Variants in ANK2 observed in about 807,000 individuals in gnomAD.
ANK2 encodes the protein ankyrin-2.
A neutral mutation model predicts 360.5 loss-of-function variants in ANK2; 83 were observed. The ratio of observed to expected loss-of-function variants is 0.23; its 90% CI spans 0.19 to 0.28. The LOEUF (loss-of-function observed/expected upper bound fraction) is 0.28, where lower values mean the gene tolerates loss of function less well. ANK2 is among the 10% of genes least tolerant of loss of function. The probability of loss-of-function intolerance (pLI) is 1.00; values close to 1 mark genes in which losing one functional copy is unlikely to be tolerated. For synonymous variants in ANK2, 1,740 were observed against 1,759.5 expected (o/e 0.99, Z 0.28); for missense variants, 4,201 against 4,795.7 (o/e 0.88, Z 3.66).
At chr4:112,821,716 T>C (rs1399552498) in intron 1 of ANK2, among the ~76,000 whole-genome samples, 2 of 151,666 alleles carry the variant, frequency 1.3e-5, no homozygotes, top group South Asian at 2.1e-4. Flanking sequence ...GCAAATCACA[T>C]ACCACGAGAA....
At chr4:112,727,752 G>A in the ANK2 span, among the ~76,000 whole-genome samples, 11 of 152,166 alleles carry the variant, frequency 7.2e-5, no homozygotes, top group African/African-American at 2.4e-4. Flanking sequence ...GCTGAGGTGG[G>A]CAGATCACCT....
the ANK2 span, among the ~76,000 whole-genome samples, chr4:112,752,962 GCCTCCCACTCTTCTAAGCAACA>G: frequency 6.6e-6 from 1 of 152,060 alleles, no homozygotes; most frequent in Admixed American, 6.6e-5. Flanking sequence ...CTTTGCGCTG[GCCTCCCACTCTTCTAAGCAACA>G]CCTCCTGGCT....
At chr4:113,159,275 A>T (rs1284605036) in intron 1 of ANK2, among the ~76,000 whole-genome samples, 2 of 152,064 alleles carry the variant, frequency 1.3e-5, no homozygotes, top group Admixed American at 1.3e-4. Context: ...AAAAATGTAT[A>T]TGTAAAATGA....
intron 2 of ANK2, among the ~76,000 whole-genome samples, chr4:112,912,237 A>C (rs913098573): frequency 6.6e-6 from 1 of 152,126 alleles, no homozygotes; most frequent in African/African-American, 2.4e-5. Flanking sequence ...GTTCAAAACA[A>C]ATTTTCCACT....
chr4:113,104,242 T>G (rs2093337339), intron 1 of ANK2, among the ~76,000 whole-genome samples: 1 of 152,126 alleles, frequency 6.6e-6, no homozygotes, highest in Non-Finnish European at 1.5e-5. Context: ...CTTTACTTTT[T>G]AGATTTTGAT....
chr4:112,762,041 T>C, the ANK2 span, among the ~76,000 whole-genome samples: 1 of 152,206 alleles, frequency 6.6e-6, no homozygotes, highest in Non-Finnish European at 1.5e-5. Flanking sequence ...CTGAGTTGAG[T>C]CTTGAATTTG....
intron 1 of ANK2, among the ~76,000 whole-genome samples, chr4:112,864,444 G>A (rs1035599562): frequency 6.6e-6 from 1 of 151,944 alleles, no homozygotes; most frequent in South Asian, 2.1e-4. Context: ...CGAGTAGCTG[G>A]GATTACAGGC....
intron 2 of ANK2, among the ~76,000 whole-genome samples, chr4:112,924,197 G>A (rs1469808806): frequency 2.6e-5 from 4 of 151,876 alleles, no homozygotes; most frequent in African/African-American, 9.7e-5. Context: ...GTGAAACCCT[G>A]TCTCTACTAA....
chr4:113,326,203 C>A (rs1052237255), intron 26 of ANK2, among the ~76,000 whole-genome samples: 7 of 152,118 alleles, frequency 4.6e-5, no homozygotes, highest in Admixed American at 1.3e-4. Flanking sequence ...AACTCTACTA[C>A]CTGTCCAAAT....
chr4:112,897,078 C>A (rs912680899), intron 1 of ANK2, among the ~76,000 whole-genome samples: 1 of 152,202 alleles, frequency 6.6e-6, no homozygotes, highest in Non-Finnish European at 1.5e-5. Flanking sequence ...ATTTCTCTTA[C>A]AGCCGAGGTT....
In ANK2 at chr4:113,333,298, A is replaced by ATGTG. The variant is rs60929199; in HGVS notation, c.3379+120_3379+123dup. 0.011 allele frequency: 12,363 copies of ATGTG among 1,162,612 alleles called. 269 individuals are homozygous for ATGTG. The highest frequency in any genetic ancestry group is 0.098 in the African/African-American group (5,952 of 60,822). The allele number at this position is 1,162,612 out of a possible 1,614,324, so 72.0% of individuals were successfully genotyped here. On this transcript the variant is annotated intron_variant, in intron 29 of 45. Transcript: ENST00000357077. ...TCTTATGACCTAGGGGTGTGTGTATATGTGTGTGTGTGTGTGTGTGTGTGT... is the reference window on the plus strand; with the variant it reads ...TCTTATGACCTAGGGGTGTGTGTATATGTGTGTGTGTGTGTGTGTGTGTGTGTGT...
chr4:112,713,080 C>T, the ANK2 span, among the ~76,000 whole-genome samples: 1 of 152,086 alleles, frequency 6.6e-6, no homozygotes, highest in Non-Finnish European at 1.5e-5. Context: ...TTTGCCTTTC[C>T]AAGAATGTCA....
At chr4:113,069,208 G>A (rs2076680236) in intron 1 of ANK2, among the ~76,000 whole-genome samples, 1 of 152,150 alleles carries the variant, frequency 6.6e-6, no homozygotes, top group Admixed American at 6.5e-5. Context: ...TAATCAGTGA[G>A]GAGAGGAGAA....
intron 1 of ANK2, among the ~76,000 whole-genome samples, chr4:113,146,579 T>A (rs1045216284): frequency 1.3e-5 from 2 of 152,240 alleles, no homozygotes; most frequent in African/African-American, 2.4e-5. Context: ...TTTATTTTTT[T>A]AAATCTTTAT....
intron 1 of ANK2, among the ~76,000 whole-genome samples, chr4:113,118,393 C>T (rs2095046759): frequency 6.6e-6 from 1 of 152,174 alleles, no homozygotes; most frequent in African/African-American, 2.4e-5. Context: ...AATCCATATG[C>T]TCAATGGACT....
chr4:112,833,840 C>A (rs543573816), intron 1 of ANK2, among the ~76,000 whole-genome samples: 4 of 152,272 alleles, frequency 2.6e-5, no homozygotes, highest in African/African-American at 9.6e-5. Flanking sequence ...ATAGACTGTC[C>A]CAAATTCAAA....
chr4:113,367,656 A>T lies in ANK2; in HGVS notation c.11123A>T (p.His3708Leu). The change falls in exon 42 of 46, where the codon CAC becomes CTC. Residue 3708 changes from histidine (H) to leucine (L), a missense_variant. Physicochemically the swap from His to Leu is moderately conservative, Grantham distance 99 (BLOSUM62 -3). Coordinates refer to ENST00000357077, the MANE Select transcript of ANK2 (RefSeq NM_001148.6). ...AVSKESETCD[H>L]PPIVSEEDIS... ...TCTAAAGAAAGTGAGACCTGCGATC[A>T]CCCTCCTATCGTCTCAGAGGAAGAC... 6.2e-7 allele frequency: 1 copy of T among 1,613,612 alleles called. No homozygotes were observed. Among genetic ancestry groups the T allele is most frequent in the Non-Finnish European group, 8.5e-7 (1 of 1,179,918 alleles).
chr4:113,236,971 C>T lies in ANK2; in HGVS notation c.484-16C>T. 3 of 1,613,786 alleles carry T rather than the reference C, an allele frequency of 1.9e-6. No homozygotes were observed. Among genetic ancestry groups the T allele is most frequent in the Non-Finnish European group, 2.5e-6 (3 of 1,179,820 alleles). ...TGAAGATGTTAACAGACAATTTTTACCTTCCATTTTACCAGGATGGCTTTA... is the reference window on the plus strand; with the variant it reads ...TGAAGATGTTAACAGACAATTTTTATCTTCCATTTTACCAGGATGGCTTTA... On this transcript the variant is annotated splice_polypyrimidine_tract_variant and intron_variant, in intron 5 of 45. Transcript: ENST00000357077.
intron 9 of ANK2, 48 bp from the exon 10 acceptor site, chr4:113,249,716 G>C (rs377013570): frequency 6.4e-7 from 1 of 1,573,818 alleles, no homozygotes; most frequent in Non-Finnish European, 8.7e-7. Flanking sequence ...ATGAAATATA[G>C]ATTTTTTTGA....
Sources: allele counts gnomAD v4.1 joint callset (sites outside exome capture counted in the v4.1 genomes callset), GRCh38; gene constraint gnomAD v4.1.1; transcripts MANE v1.5; gene names NCBI Gene and HGNC (gene_info 2026-07-23, HGNC 2026-07-21).